The following MREG variants were observed in gnomAD, a reference collection of about 807,000 sequenced individuals.
MREG encodes dilute suppressor protein homolog.
MREG carries 31 observed loss-of-function variants against 28.5 expected under a neutral mutation model. That is an observed-to-expected ratio of 1.09 (90% confidence interval 0.82 to 1.47). The LOEUF is 1.47. MREG is among the 40% of genes most tolerant of loss of function. The pLI, the probability that MREG is intolerant of heterozygous loss-of-function variation, is 0.00. For synonymous variants in MREG, 106 were observed against 95.2 expected (o/e 1.11, Z -0.66); for missense variants, 256 against 257.4 (o/e 0.99, Z 0.04).
chr2:215,943,069 C>T lies in MREG; in HGVS notation c.*1794G>A, dbSNP rs1692223760. 2.5e-5 allele frequency: 4 copies of T among 162,522 alleles called. No homozygotes were observed. The South Asian group carries it at 6.7e-4, about 27-fold the overall frequency. The allele number at this position is 162,522 out of a possible 1,614,324, so 10.1% of individuals were successfully genotyped here. A position where few individuals can be genotyped will look rare whatever the true frequency, so the allele number is the denominator to read the frequency against. ...AATATTTTAAACATTGTGGACGCTA[C>T]CAAAAAGCTCATTGGTATATAAAAA... On this transcript the variant is annotated 3_prime_UTR_variant, in exon 5 of 5. Coordinates refer to ENST00000263268, the MANE Select transcript of MREG (RefSeq NM_018000.3).
At chr2:215,964,449 A>G (rs1238308178) in intron 2 of MREG, among the ~76,000 whole-genome samples, 1 of 151,596 alleles carries the variant, frequency 6.6e-6, no homozygotes, top group East Asian at 1.9e-4. Flanking sequence ...ACACCACCGC[A>G]CGCTAGCCTG....
intron 2 of MREG, among the ~76,000 whole-genome samples, chr2:215,949,102 A>C (rs1157103974): frequency 6.7e-6 from 1 of 150,370 alleles, no homozygotes; most frequent in African/African-American, 2.4e-5. Flanking sequence ...AATAATAATA[A>C]TAATACAAAA....
At chr2:215,993,319 G>A (rs1693770968) in intron 2 of MREG, among the ~76,000 whole-genome samples, 1 of 152,180 alleles carries the variant, frequency 6.6e-6, no homozygotes, top group Non-Finnish European at 1.5e-5. Flanking sequence ...AAGCAATGGG[G>A]AAAGGATCTG....
intron 1 of MREG, among the ~76,000 whole-genome samples, chr2:216,030,440 A>C (rs951962906): frequency 3.3e-5 from 5 of 152,214 alleles, no homozygotes; most frequent in African/African-American, 1.2e-4. Flanking sequence ...ACTACCTCAC[A>C]GAGTTTTTGT....
Position 215,996,394 on chromosome 2 carries a change from G to A in MREG, c.167C>T (p.Pro56Leu). The A allele has an allele frequency of 1.2e-6, 2 of 1,613,652 alleles. No individual in the cohort carries two copies. The highest frequency in any genetic ancestry group is 1.7e-6 in the Non-Finnish European group (2 of 1,179,648). ...TGCCTCTGTGTGGGACACATCATGGGGCATACTCCATAAATTCTTCTCATC... is the reference window on the plus strand; with the variant it reads ...TGCCTCTGTGTGGGACACATCATGGAGCATACTCCATAAATTCTTCTCATC... Reference protein sequence around the residue: ...RDDEKNLWSMPHDVSHTEADD... With the variant: ...RDDEKNLWSMLHDVSHTEADD... Residue 56 changes from proline (P) to leucine (L), a missense_variant, in exon 2 of 5, where the codon CCC (proline) becomes CTC (leucine). By Grantham distance (98) the Pro-to-Leu change is moderately conservative (BLOSUM62 -3). Coordinates refer to ENST00000263268, the MANE Select transcript of MREG (RefSeq NM_018000.3).
At chr2:215,953,232 C>T (rs1212246346) in intron 2 of MREG, among the ~76,000 whole-genome samples, 5 of 152,228 alleles carry the variant, frequency 3.3e-5, no homozygotes, top group African/African-American at 7.2e-5. Flanking sequence ...CTATTAAGTA[C>T]ACTCAGACTT....
chr2:215,966,499 A>G (rs1692943158), intron 2 of MREG, among the ~76,000 whole-genome samples: 1 of 152,146 alleles, frequency 6.6e-6, no homozygotes. Flanking sequence ...TCACACTGAC[A>G]CTTTAATAAA....
intron 2 of MREG, among the ~76,000 whole-genome samples, chr2:215,984,989 A>C (rs137968660): frequency 2.4e-3 from 370 of 152,332 alleles, no homozygotes; most frequent in African/African-American, 8.3e-3. Flanking sequence ...GATACTCATT[A>C]TATATCTCTG....
At chr2:215,977,960 A>G (rs1237421092) in intron 2 of MREG, among the ~76,000 whole-genome samples, 1 of 152,216 alleles carries the variant, frequency 6.6e-6, no homozygotes, top group East Asian at 1.9e-4. Flanking sequence ...CTAACATCAC[A>G]ATTAAAAGAA....
At chr2:215,980,829 G>A (rs1441084552) in intron 2 of MREG, among the ~76,000 whole-genome samples, 2 of 131,484 alleles carry the variant, frequency 1.5e-5, no homozygotes, top group Non-Finnish European at 3.2e-5. Flanking sequence ...GAAGAAAAGG[G>A]AAGAGAAGCA....
chr2:215,989,937 G>A, intron 2 of MREG, among the ~76,000 whole-genome samples: 1 of 152,150 alleles, frequency 6.6e-6, no homozygotes, highest in East Asian at 1.9e-4. Flanking sequence ...ACCTGAAAGT[G>A]ATGGGGAGAG....
At chr2:216,017,012 TCCACAACCTAATCCCCTTTCTAC>T (rs1262070914), upstream of MREG, among the ~76,000 whole-genome samples, 1 of 152,216 alleles carries the variant, frequency 6.6e-6, no homozygotes, top group East Asian at 1.9e-4. Flanking sequence ...CTGTTGACTA[TCCACAACCTAATCCCCTTTCTAC>T]CTCCACCCTC....
upstream of MREG, among the ~76,000 whole-genome samples, chr2:216,014,793 T>C (rs551188775): frequency 8.1e-4 from 123 of 152,328 alleles, no homozygotes; most frequent in African/African-American, 2.7e-3. Context: ...GAATTTACTC[T>C]CTGACCAGCA....
chr2:216,032,042 T>C (rs531389850), intron 1 of MREG, among the ~76,000 whole-genome samples: 77 of 152,374 alleles, frequency 5.1e-4, no homozygotes, highest in African/African-American at 1.8e-3. Flanking sequence ...TCTAACAAAA[T>C]AGCCTTTGAT....
chr2:216,025,841 C>T (rs1694588298), intron 1 of MREG, among the ~76,000 whole-genome samples: 4 of 152,260 alleles, frequency 2.6e-5, no homozygotes, highest in Admixed American at 2.6e-4. Context: ...TGGGCAGTCA[C>T]ACAAGCTCAG....
intron 2 of MREG, among the ~76,000 whole-genome samples, chr2:215,971,993 A>C (rs187821964): frequency 8.5e-5 from 13 of 152,250 alleles, no homozygotes; most frequent in Admixed American, 6.5e-4. Context: ...CAACTCCAAG[A>C]TATGCCAGGT....
chr2:215,993,857 A>G (rs1307795960), intron 2 of MREG, among the ~76,000 whole-genome samples: 2 of 152,228 alleles, frequency 1.3e-5, no homozygotes, highest in African/African-American at 4.8e-5. Flanking sequence ...TCAAAACTAC[A>G]ATGAGATACC....
chr2:215,952,519 C>G (rs1233776480), intron 2 of MREG, among the ~76,000 whole-genome samples: 1 of 152,102 alleles, frequency 6.6e-6, no homozygotes, highest in Non-Finnish European at 1.5e-5. Flanking sequence ...ATCTGTATTA[C>G]TGAGTTTGTA....
chr2:215,949,260 TAA>T (rs78715040), intron 2 of MREG, among the ~76,000 whole-genome samples: 50 of 129,236 alleles, frequency 3.9e-4, no homozygotes, highest in South Asian at 4.8e-4. Context: ...GACTTTGTCT[TAA>T]AAAAAAAAAA....
Sources: allele counts gnomAD v4.1 joint callset (sites outside exome capture counted in the v4.1 genomes callset), GRCh38; gene constraint gnomAD v4.1.1; transcripts MANE v1.5; gene names NCBI Gene and HGNC (gene_info 2026-07-23, HGNC 2026-07-21).